Variants in RSRC1 observed in about 807,000 individuals in gnomAD.
RSRC1 encodes arginine and serine rich coiled-coil 1, also known as serine/Arginine-related protein 53.
In RSRC1, 39 loss-of-function variants were observed where a neutral mutation model predicts 49.1. The observed-to-expected ratio is 0.79, with a 90% confidence interval of 0.61 to 1.04. The LOEUF (loss-of-function observed/expected upper bound fraction) is 1.04. Among genes scored for constraint, RSRC1 ranks in the 50% least tolerant of loss-of-function variants. RSRC1 has a pLI of 0.00. For missense variants in RSRC1, 388 were observed against 402.4 expected (o/e 0.96, Z 0.31); for synonymous variants, 143 against 130.8 (o/e 1.09, Z -0.63).
At chr3:158,170,307 C>CT (rs11400606) in intron 3 of RSRC1, among the ~76,000 whole-genome samples, 85,274 of 143,024 alleles carry the variant, frequency 0.6, 25,496 homozygotes, top group East Asian at 0.73. Flanking sequence ...TCTGGTCTGC[C>CT]TTTTTTTTTT....
intron 3 of RSRC1, among the ~76,000 whole-genome samples, chr3:158,169,299 C>T (rs1203803831): frequency 3.4e-4 from 51 of 152,144 alleles, no homozygotes; most frequent in Non-Finnish European, 2.9e-5. Context: ...GGGCATGAAA[C>T]TGAATTGTGC....
chr3:158,453,257 A>G (rs760736203), intron 6 of RSRC1, among the ~76,000 whole-genome samples: 8 of 152,042 alleles, frequency 5.3e-5, no homozygotes, highest in Admixed American at 1.3e-4. Context: ...ACTCTTGTGC[A>G]CACATTTTCA....
chr3:158,219,044 C>T (rs1028650072), intron 4 of RSRC1, among the ~76,000 whole-genome samples: 4 of 151,502 alleles, frequency 2.6e-5, no homozygotes, highest in Non-Finnish European at 5.9e-5. Context: ...ACACTTAATC[C>T]AAAATTAGCC....
chr3:158,365,682 C>T (rs766273825), intron 6 of RSRC1, among the ~76,000 whole-genome samples: 3 of 152,130 alleles, frequency 2.0e-5, no homozygotes, highest in Non-Finnish European at 4.4e-5. Context: ...ATTGCTGGGT[C>T]AAATGGGATT....
At chr3:158,318,755 A>T (rs1481126168) in intron 5 of RSRC1, among the ~76,000 whole-genome samples, 1 of 152,044 alleles carries the variant, frequency 6.6e-6, no homozygotes, top group African/African-American at 2.4e-5. Context: ...TGGGAAGGGC[A>T]CCTCTCTCCC....
intron 4 of RSRC1, among the ~76,000 whole-genome samples, chr3:158,226,792 T>G (rs936825331): frequency 6.6e-6 from 1 of 151,890 alleles, no homozygotes; most frequent in Non-Finnish European, 1.5e-5. Flanking sequence ...AGTTTCATCT[T>G]TTTAGACTGT....
chr3:158,344,217 C>T (rs1241531310), intron 5 of RSRC1, among the ~76,000 whole-genome samples: 1 of 152,076 alleles, frequency 6.6e-6, no homozygotes, highest in African/African-American at 2.4e-5. Context: ...TGAGATAGTG[C>T]CATTGCACTT....
chr3:158,468,324 G>A (rs979278029), intron 7 of RSRC1, among the ~76,000 whole-genome samples: 1 of 152,106 alleles, frequency 6.6e-6, no homozygotes, highest in East Asian at 1.9e-4. Flanking sequence ...CTTACCATAG[G>A]AGACACTTTT....
intron 5 of RSRC1, among the ~76,000 whole-genome samples, chr3:158,326,970 G>C (rs1345738440): frequency 6.6e-6 from 1 of 152,130 alleles, no homozygotes. Context: ...GGGTGTATGT[G>C]TCCAGAAATT....
chr3:158,293,399 T>G (rs1389385041), intron 4 of RSRC1, among the ~76,000 whole-genome samples: 1 of 152,114 alleles, frequency 6.6e-6, no homozygotes, highest in Non-Finnish European at 1.5e-5. Flanking sequence ...GGTCCATATT[T>G]GCCTGGTTTT....
At chr3:158,181,941 C>A (rs529198465) in intron 3 of RSRC1, among the ~76,000 whole-genome samples, 23 of 152,186 alleles carry the variant, frequency 1.5e-4, no homozygotes, top group African/African-American at 5.5e-4. Flanking sequence ...AGAAACTGCC[C>A]TTGCAGAGCT....
intron 4 of RSRC1, among the ~76,000 whole-genome samples, chr3:158,225,127 A>C (rs1053083770): frequency 4.6e-5 from 7 of 151,808 alleles, no homozygotes; most frequent in African/African-American, 1.7e-4. Context: ...TTTTTTACAG[A>C]TCATCATGGT....
intron 6 of RSRC1, among the ~76,000 whole-genome samples, chr3:158,373,257 C>G (rs2108269343): frequency 6.6e-6 from 1 of 152,012 alleles, no homozygotes; most frequent in Non-Finnish European, 1.5e-5. Context: ...TAGCTAGAAT[C>G]TCCAGCTTTT....
At chr3:158,475,303 C>T (rs754675014) in intron 7 of RSRC1, among the ~76,000 whole-genome samples, 32 of 151,916 alleles carry the variant, frequency 2.1e-4, no homozygotes, top group Admixed American at 5.3e-4. Context: ...TCATCCTGGG[C>T]CACAGTAGGA....
chr3:158,439,347 A>G lies in RSRC1; in HGVS notation c.584-21588A>G, dbSNP rs570358695. Among the ~76,000 whole-genome samples the G allele has an allele frequency of 2.6e-5, 4 of 152,284 alleles. No homozygotes were observed. The East Asian group carries it at 7.7e-4, about 29-fold the overall frequency. On this transcript the variant is annotated intron_variant, in intron 6 of 9. Coordinates refer to ENST00000611884, the MANE Select transcript of RSRC1 (RefSeq NM_001271838.2). The stretch of plus-strand genomic sequence containing the variant: ...CCAAAGGACTATAAATCATGCTGCT[A>G]TAAAGACACATGCACACATGTGTTT...
chr3:158,362,967 G>A (rs1459258455), intron 6 of RSRC1, among the ~76,000 whole-genome samples: 7 of 152,122 alleles, frequency 4.6e-5, no homozygotes, highest in Admixed American at 4.6e-4. Flanking sequence ...TATTTCTAAT[G>A]TTATAAGAAA....
rs577679459 is a variant in RSRC1, at chr3:158,362,937, C to A, written c.583+8029C>A. On this transcript the variant is annotated intron_variant, in intron 6 of 9. Transcript: ENST00000611884. ...AATATTTTACTTTTAATAGAATTGACACATGCACCTTTAAAATTATATTTC... is the reference window on the plus strand; with the variant it reads ...AATATTTTACTTTTAATAGAATTGAAACATGCACCTTTAAAATTATATTTC... 4.6e-5 allele frequency among the ~76,000 whole-genome samples: 7 copies of A among 152,304 alleles called. No homozygotes were observed. The East Asian group carries it at 1.3e-3, about 29-fold the overall frequency.
intron 3 of RSRC1, among the ~76,000 whole-genome samples, chr3:158,143,953 C>T (rs1035007690): frequency 6.6e-6 from 1 of 152,138 alleles, no homozygotes; most frequent in Admixed American, 6.6e-5. Context: ...GGTGTTGTTA[C>T]ACTTTGAACA....
intron 8 of RSRC1, 140 bp downstream of exon 8, chr3:158,537,338 GAAAAC>G: frequency 3.8e-6 from 2 of 520,342 alleles, no homozygotes; most frequent in Non-Finnish European, 6.8e-6. Flanking sequence ...CTGAGAGAGA[GAAAAC>G]AAATCAGGGA....
Sources: gnomAD v4.1 joint callset for allele counts (sites outside exome capture counted in the v4.1 genomes callset) on GRCh38, gnomAD v4.1.1 for gene constraint, MANE v1.5 for transcripts, NCBI Gene and HGNC (gene_info 2026-07-23, HGNC 2026-07-21) for gene names.